WDFY4: variants seen among roughly 807,000 people sequenced by gnomAD.
WDFY4 encodes WDFY family member 4.
Under a neutral mutation model 351.9 loss-of-function variants are expected in WDFY4, and 169 were observed. That is an observed-to-expected ratio of 0.48 (90% CI 0.42 to 0.55). The LOEUF (loss-of-function observed/expected upper bound fraction) is 0.55. WDFY4 is among the 20% of genes least tolerant of loss of function. The probability of loss-of-function intolerance (pLI) is 0.00; values close to 1 mark genes in which losing one functional copy is unlikely to be tolerated. For synonymous variants in WDFY4, 1,622 were observed against 1,574.6 expected (o/e 1.03, Z -0.71); for missense variants, 3,803 against 3,935.6 (o/e 0.97, Z 0.90).
intron 1 of WDFY4, among the ~76,000 whole-genome samples, chr10:48,695,903 C>T (rs1186435053): frequency 1.3e-5 from 2 of 152,078 alleles, no homozygotes; most frequent in African/African-American, 4.8e-5. Context: ...CTGTGAGTTC[C>T]TGTATTCCGT....
At chr10:48,935,144 T>C in intron 47 of WDFY4, 1 of 152,188 alleles carries the variant, frequency 6.6e-6, no homozygotes, top group Admixed American at 6.5e-5. Context: ...AGTAAATCGA[T>C]AAGCGCAGGG....
rs142533169 is a variant in WDFY4, at chr10:48,721,308, G to A, written c.397G>A (p.Val133Met). The A allele has an allele frequency of 1.3e-4, 203 of 1,551,690 alleles. No homozygotes were observed. Among genetic ancestry groups the A allele is most frequent in the Non-Finnish European group, 1.6e-4 (180 of 1,146,982 alleles). Residue 133 changes from valine (V) to methionine (M), a missense_variant, in exon 4 of 62, where the codon GTG (valine) becomes ATG (methionine). This residue lies in a region of WDFY4 where 488 missense variants were observed against 456.8 expected (regional missense o/e 1.07). Transcript: ENST00000325239. ...ACAGTTGCTGTGGTGGAAGGGGGAC[G>A]TGGATCAGGATGGCTACTTGCTCCT... Reference protein sequence around the residue: ...AGQLLWWKGDVDQDGYLLLKS... With the variant: ...AGQLLWWKGDMDQDGYLLLKS...
rs1342232396 is a variant in WDFY4, at chr10:48,780,076, C to G, written c.3533C>G (p.Thr1178Arg). 6.4e-6 allele frequency: 10 copies of G among 1,551,930 alleles called. No homozygotes were observed. Among genetic ancestry groups the G allele is most frequent in the Non-Finnish European group, 8.7e-6 (10 of 1,147,066 alleles). Residue 1178 changes from threonine (T) to arginine (R), a missense_variant, in exon 19 of 62, where the codon ACA becomes AGA. Physicochemically the swap from Thr to Arg is moderately conservative, Grantham distance 71. Transcript: ENST00000325239. ...ACTAAGGAAATGAAAAGGCATTGTACAGTTTCCACCTGTCTGGATGGACAG... is the reference window on the plus strand; with the variant it reads ...ACTAAGGAAATGAAAAGGCATTGTAGAGTTTCCACCTGTCTGGATGGACAG... ...VVTKEMKRHC[T>R]VSTCLDGQVI...
rs149885496 is a variant in WDFY4, at chr10:48,974,592, G to A, written c.8929-270G>A. On this transcript the variant is annotated intron_variant, in intron 57 of 61. Coordinates refer to ENST00000325239, the MANE Select transcript of WDFY4 (RefSeq NM_001394531.1). ...ATGTAGGGCAGCACAAAACATCCAG[G>A]TGTGGCTAGCCTCTGGTTGGGTTAT... is the stretch of plus-strand genomic sequence containing the variant. 5.4e-3 allele frequency among the ~76,000 whole-genome samples: 760 copies of A among 141,788 alleles called. 19 individuals are homozygous for A. The highest frequency in any genetic ancestry group is 0.048 in the Admixed American group (659 of 13,662). The allele number at this position is 141,788 out of a possible 152,430, so 93.0% of individuals were successfully genotyped here.
At chr10:48,771,976 A>G (rs1038302350) in intron 13 of WDFY4, among the ~76,000 whole-genome samples, 4 of 152,218 alleles carry the variant, frequency 2.6e-5, no homozygotes, top group Non-Finnish European at 2.9e-5. Context: ...GTGCATTCAC[A>G]GCTTCTCCTG....
intron 57 of WDFY4, among the ~76,000 whole-genome samples, chr10:48,971,084 C>T (rs931995753): frequency 4.6e-5 from 7 of 152,156 alleles, no homozygotes; most frequent in Non-Finnish European, 1.0e-4. Flanking sequence ...AAACCCCATG[C>T]GCTCTCCCTG....
intron 2 of WDFY4, among the ~76,000 whole-genome samples, chr10:48,717,391 A>G (rs1039393557): frequency 3.9e-5 from 6 of 152,230 alleles, no homozygotes; most frequent in Non-Finnish European, 7.3e-5. Flanking sequence ...GTCTATTTAT[A>G]TAGTAGAAAA....
intron 55 of WDFY4, chr10:48,968,722 A>T (rs1842197322): frequency 3.4e-6 from 1 of 291,668 alleles, no homozygotes. Flanking sequence ...GCATAACCAG[A>T]CTTGGAATGA....
chr10:48,797,544 G>T (rs1053212410), intron 24 of WDFY4, among the ~76,000 whole-genome samples: 1 of 152,114 alleles, frequency 6.6e-6, no homozygotes, highest in Non-Finnish European at 1.5e-5. Context: ...TATACTGTAG[G>T]TTATTTTGAG....
At chr10:48,770,792 G>T (rs546894067) in intron 13 of WDFY4, among the ~76,000 whole-genome samples, 38 of 152,334 alleles carry the variant, frequency 2.5e-4, no homozygotes, top group African/African-American at 8.4e-4. Context: ...ATGTCCATCT[G>T]CCAGTTCAGG....
chr10:48,892,072 C>A (rs908285951), intron 44 of WDFY4, among the ~76,000 whole-genome samples: 7 of 152,226 alleles, frequency 4.6e-5, no homozygotes, highest in African/African-American at 1.7e-4. Context: ...CTCATCCCAT[C>A]TTATTGCTCA....
intron 2 of WDFY4, 71 bp from the exon 3 acceptor site, chr10:48,719,940 G>T: frequency 5.1e-6 from 7 of 1,385,354 alleles, no homozygotes; most frequent in South Asian, 1.3e-5. Context: ...GTGAAGGGTG[G>T]CATGGCAGGC....
intron 39 of WDFY4, among the ~76,000 whole-genome samples, chr10:48,833,024 C>CACTTTGACT (rs1273087275): frequency 1.4e-5 from 2 of 143,502 alleles, no homozygotes; most frequent in Non-Finnish European, 3.2e-5. Flanking sequence ...AGGGTTGGGC[C>CACTTTGACT]ACTTTGACTG....
At chr10:48,714,839 T>C (rs1216517392) in intron 2 of WDFY4, among the ~76,000 whole-genome samples, 3 of 152,140 alleles carry the variant, frequency 2.0e-5, no homozygotes, top group Admixed American at 6.5e-5. Flanking sequence ...GGGAAATATG[T>C]GGATGTGGTA....
rs555759540 is a variant in WDFY4, at chr10:48,820,339, C to T, written c.5611C>T (p.Arg1871Trp). Reference sequence around the variant, plus strand: ...GGCTCCCACCAAGGCACATCCCGCCCGGAGGAAGCTGAGGGAGTTCACGCA... The same window carrying T: ...GGCTCCCACCAAGGCACATCCCGCCTGGAGGAAGCTGAGGGAGTTCACGCA... The part of the protein sequence containing the change: ...LQAPTKAHPA[R>W]RKLREFTQLL... The change falls in exon 33 of 62, where the codon CGG becomes TGG. Residue 1871 changes from arginine (R) to tryptophan (W), a missense_variant. By Grantham distance (101) the Arg-to-Trp change is moderately radical. Coordinates refer to ENST00000325239, the MANE Select transcript of WDFY4 (RefSeq NM_001394531.1). 76 of 1,551,620 alleles carry T rather than the reference C, an allele frequency of 4.9e-5. No homozygotes were observed. Among genetic ancestry groups the T allele is most frequent in the Middle Eastern group, 1.7e-4 (1 of 5,992 alleles).
At chr10:48,820,587 AC>A (rs2067789048) in intron 33 of WDFY4, 150 bp downstream of exon 33, 8 of 853,916 alleles carry the variant, frequency 9.4e-6, no homozygotes, top group Non-Finnish European at 1.3e-5. Context: ...CAAAAAAGCA[AC>A]AGGTGATAGA....
At chr10:48,982,457 G>T in intron 61 of WDFY4, 52 bp from the exon 62 acceptor site, 2 of 1,433,430 alleles carry the variant, frequency 1.4e-6, no homozygotes, top group Non-Finnish European at 1.9e-6. Context: ...TGCTGGCGGG[G>T]ACAAGTGGTA....
At chr10:48,740,604 GGT>G (rs1481386010) in intron 11 of WDFY4, among the ~76,000 whole-genome samples, 3 of 152,170 alleles carry the variant, frequency 2.0e-5, no homozygotes, top group Non-Finnish European at 4.4e-5. Flanking sequence ...TTGCTTTGAG[GGT>G]GTGTCTACAA....
rs561103823 is a variant in WDFY4 at position 48,943,925 on chromosome 10, G to T, written c.7749+476G>T. On this transcript the variant is annotated intron_variant, in intron 49 of 61. Transcript: ENST00000325239. The stretch of plus-strand genomic sequence containing the variant: ...TCTCTTAACCCCACTGTGGCCTTTG[G>T]TATTTGGCTGCCTGGGTTCCTGTCC... Among the ~76,000 whole-genome samples, 6 of 152,264 alleles carry T rather than the reference G, an allele frequency of 3.9e-5. No individual in the cohort carries two copies. In the South Asian group the frequency reaches 1.2e-3, roughly 32 times the overall value.
Sources: allele counts gnomAD v4.1 joint callset (sites outside exome capture counted in the v4.1 genomes callset), GRCh38; gene constraint gnomAD v4.1.1; regional missense constraint gnomAD v4.1.1; transcripts MANE v1.5; gene names NCBI Gene and HGNC (gene_info 2026-07-23, HGNC 2026-07-21).